The following UBA6 variants were observed in gnomAD, a reference collection of about 807,000 sequenced individuals.
The protein encoded by UBA6 is ubiquitin-like modifier-activating enzyme 6.
Under a neutral mutation model 148.3 loss-of-function variants are expected in UBA6, and 87 were observed. That is an observed-to-expected ratio of 0.59 (90% CI 0.49 to 0.70). UBA6 has a LOEUF of 0.70. UBA6 is among the 30% of genes least tolerant of loss of function. The pLI is 0.00. For synonymous variants in UBA6, 376 were observed against 401.0 expected (o/e 0.94, Z 0.75); for missense variants, 1,186 against 1,241.2 (o/e 0.96, Z 0.67).
chr4:67,626,921 C>G (rs1360106667), intron 27 of UBA6, among the ~76,000 whole-genome samples: 1 of 151,914 alleles, frequency 6.6e-6, no homozygotes, highest in Non-Finnish European at 1.5e-5. Context: ...ACGCATGTTG[C>G]TTTGCTCTAA....
chr4:67,641,590 T>A (rs1339994010), intron 17 of UBA6, among the ~76,000 whole-genome samples: 1 of 151,966 alleles, frequency 6.6e-6, no homozygotes, highest in Non-Finnish European at 1.5e-5. Flanking sequence ...TAATCTCAAC[T>A]AATTTGGGAA....
rs759672011 is a variant in UBA6 at position 67,694,286 on chromosome 4, TA to T, written c.134+2358del. On this transcript the variant is annotated intron_variant, in intron 2 of 32. Transcript: ENST00000322244. Reference sequence around the variant, plus strand: ...ACCAAATCTTCAGATTCAGTCACTATAAAAAAAAAAACCCTCAAACATTTAA... The same window carrying T: ...ACCAAATCTTCAGATTCAGTCACTATAAAAAAAAAACCCTCAAACATTTAA... 1.7e-3 allele frequency among the ~76,000 whole-genome samples: 210 copies of T among 124,876 alleles called. 1 individual carries two copies. Among genetic ancestry groups the T allele is most frequent in the South Asian group, 0.012 (47 of 3,886 alleles). 81.9% of individuals were successfully genotyped at this position (124,876 alleles called of 152,430 possible).
intron 6 of UBA6, among the ~76,000 whole-genome samples, chr4:67,675,066 C>T (rs1015419445): frequency 4.6e-5 from 7 of 152,318 alleles, no homozygotes; most frequent in South Asian, 4.1e-4. Flanking sequence ...GACGGGGTTT[C>T]GCCATGCTGG....
At chr4:67,639,213 G>GT (rs1729244450) in intron 18 of UBA6, 89 bp from the exon 19 acceptor site, 1 of 1,048,552 alleles carries the variant, frequency 9.5e-7, no homozygotes. Flanking sequence ...ATAAGAATGT[G>GT]TAAGTTCAGT....
chr4:67,691,014 A>G (rs1474160760), intron 2 of UBA6, among the ~76,000 whole-genome samples: 1 of 152,174 alleles, frequency 6.6e-6, no homozygotes, highest in Admixed American at 6.5e-5. Context: ...GCTATATGAC[A>G]ATGTACACAG....
At chr4:67,620,121 C>T (rs576373359) in intron 32 of UBA6, among the ~76,000 whole-genome samples, 2 of 151,972 alleles carry the variant, frequency 1.3e-5, no homozygotes, top group South Asian at 2.1e-4. Context: ...TGATCATCAC[C>T]TCATACTTGA....
intron 23 of UBA6, among the ~76,000 whole-genome samples, chr4:67,633,091 T>C (rs1396957319): frequency 6.6e-6 from 1 of 152,192 alleles, no homozygotes; most frequent in African/African-American, 2.4e-5. Context: ...AAAATGTGAT[T>C]ATCAGATATG....
chr4:67,631,065 A>T (rs1728985481), intron 25 of UBA6, among the ~76,000 whole-genome samples: 1 of 152,190 alleles, frequency 6.6e-6, no homozygotes, highest in Non-Finnish European at 1.5e-5. Context: ...GTGTTTAAAA[A>T]TATATATACA....
At chr4:67,624,688 T>C (rs1728825340) in intron 29 of UBA6, among the ~76,000 whole-genome samples, 1 of 152,068 alleles carries the variant, frequency 6.6e-6, no homozygotes, top group Non-Finnish European at 1.5e-5. Context: ...GAAGTTCATT[T>C]TATTCAAGAA....
intron 27 of UBA6, among the ~76,000 whole-genome samples, chr4:67,627,642 T>C (rs1728898533): frequency 1.3e-5 from 2 of 151,992 alleles, no homozygotes; most frequent in South Asian, 4.1e-4. Flanking sequence ...GTCATAAACA[T>C]TGTGTTCTGC....
At position 67,652,871 on chromosome 4, in the gene UBA6, C is replaced by G. The variant is rs1729586833; in HGVS notation, c.1105-3660G>C. ...TTAGCAACCGGCAGACCAGGAGATTCTCTCCTGTGCCTGGCTTGGTGGATC... is the reference window on the plus strand; with the variant it reads ...TTAGCAACCGGCAGACCAGGAGATTGTCTCCTGTGCCTGGCTTGGTGGATC... On this transcript the variant is annotated intron_variant, in intron 13 of 32. Coordinates refer to ENST00000322244, the MANE Select transcript of UBA6 (RefSeq NM_018227.6). Among the ~76,000 whole-genome samples the G allele has an allele frequency of 2.0e-5, 3 of 152,250 alleles. No individual in the cohort carries two copies. In the South Asian group the frequency reaches 6.2e-4, roughly 31 times the overall value.
intron 17 of UBA6, among the ~76,000 whole-genome samples, chr4:67,644,372 TAAC>T (rs1340087321): frequency 1.3e-5 from 2 of 152,130 alleles, no homozygotes; most frequent in Non-Finnish European, 2.9e-5. Flanking sequence ...CTAACAGAAA[TAAC>T]AACATATTTT....
rs985454893 is a variant in UBA6, at chr4:67,614,573, T to G, written c.*4424A>C. The G allele has an allele frequency of 5.3e-5, 8 of 152,096 alleles. No individual in the cohort carries two copies. In the East Asian group the frequency reaches 1.5e-3, roughly 29 times the overall value. 9.4% of individuals were successfully genotyped at this position (152,096 alleles called of 1,614,324 possible). A position where few individuals can be genotyped will look rare whatever the true frequency, so the allele number is the denominator to read the frequency against. On this transcript the variant is annotated 3_prime_UTR_variant, in exon 33 of 33. Coordinates refer to ENST00000322244, the MANE Select transcript of UBA6 (RefSeq NM_018227.6). ...ATCTCCTAGCATACACCAAATTAAT[T>G]CCTCATGAAAAAAATTTAAATATGA...
intron 2 of UBA6, among the ~76,000 whole-genome samples, chr4:67,686,485 T>C (rs114081979): frequency 1.7e-3 from 256 of 152,206 alleles, no homozygotes; most frequent in African/African-American, 5.8e-3. Flanking sequence ...GAGATCATAA[T>C]AACAACAACT....
intron 9 of UBA6, 142 bp from the exon 10 acceptor site, chr4:67,665,434 T>TGC: frequency 2.2e-6 from 1 of 451,400 alleles, no homozygotes; most frequent in Non-Finnish European, 3.7e-6. Flanking sequence ...TTTGTTTGTT[T>TGC]TTTTTTTTTT....
chr4:67,680,053 G>A (rs80342439), intron 4 of UBA6, among the ~76,000 whole-genome samples: 2,952 of 152,178 alleles, frequency 0.019, 73 homozygotes, highest in East Asian at 0.1. Context: ...TCAATACTAC[G>A]AAATGATGAC....
chr4:67,666,546 A>G (rs927104482), intron 9 of UBA6, among the ~76,000 whole-genome samples: 7 of 152,110 alleles, frequency 4.6e-5, no homozygotes, highest in African/African-American at 1.4e-4. Context: ...TATATCTAGA[A>G]TAAGTATGTA....
intron 18 of UBA6, among the ~76,000 whole-genome samples, chr4:67,639,776 T>G (rs2109911437): frequency 6.6e-6 from 1 of 152,266 alleles, no homozygotes; most frequent in Middle Eastern, 3.4e-3. Context: ...AGTAAGAGAT[T>G]AATAACAATA....
rs1728573546 is a variant in UBA6 at position 67,613,436 on chromosome 4, G to A, written c.*5561C>T. 1 of 152,144 alleles carries A rather than the reference G, an allele frequency of 6.6e-6. No individual in the cohort carries two copies. The highest frequency in any genetic ancestry group is 2.4e-5 in the African/African-American group (1 of 41,444). The allele number at this position is 152,144 out of a possible 1,614,324, so 9.4% of individuals were successfully genotyped here. On this transcript the variant is annotated 3_prime_UTR_variant, in exon 33 of 33. Coordinates refer to ENST00000322244, the MANE Select transcript of UBA6 (RefSeq NM_018227.6). The stretch of plus-strand genomic sequence containing the variant: ...AAATAATTATGCTTTTCATTTTGAA[G>A]CAGATAAGAAATTGAAAATTTCAGC...
Sources: gnomAD v4.1 joint callset for allele counts (sites outside exome capture counted in the v4.1 genomes callset) on GRCh38, gnomAD v4.1.1 for gene constraint, MANE v1.5 for transcripts, NCBI Gene and HGNC (gene_info 2026-07-23, HGNC 2026-07-21) for gene names.